FAM135B: variants seen among roughly 807,000 people sequenced by gnomAD.
FAM135B encodes family with sequence similarity 135 member B, also known as protein FAM135B.
In FAM135B, 43 loss-of-function variants were observed where a neutral mutation model predicts 127.7. The ratio of observed to expected loss-of-function variants is 0.34; its 90% CI spans 0.26 to 0.43. The LOEUF (loss-of-function observed/expected upper bound fraction) is 0.43, where lower values mean the gene tolerates loss of function less well. Among genes scored for constraint, FAM135B ranks in the 20% least tolerant of loss-of-function variants. The pLI is 1.00. For missense variants in FAM135B, 1,558 were observed against 1,725.6 expected (o/e 0.90, Z 1.72); for synonymous variants, 670 against 665.1 (o/e 1.01, Z -0.11).
At chr8:138,390,824 A>G (rs140164360) in intron 1 of FAM135B, among the ~76,000 whole-genome samples, 386 of 152,242 alleles carry the variant, frequency 2.5e-3, no homozygotes, top group African/African-American at 7.8e-3. Context: ...GCAGCACTCT[A>G]TGGCAGTGTT....
chr8:138,391,541 A>G (rs1329711143), intron 1 of FAM135B, among the ~76,000 whole-genome samples: 1 of 152,040 alleles, frequency 6.6e-6, no homozygotes, highest in Admixed American at 6.6e-5. Context: ...TCAACCTGCA[A>G]GCACCTACTT....
chr8:138,160,849 T>C (rs974548286), intron 12 of FAM135B, among the ~76,000 whole-genome samples: 1 of 152,090 alleles, frequency 6.6e-6, no homozygotes, highest in Non-Finnish European at 1.5e-5. Flanking sequence ...TCAAAGTATG[T>C]GTAATAATCC....
chr8:138,240,206 A>G (rs1367630651), intron 7 of FAM135B, among the ~76,000 whole-genome samples: 1 of 152,252 alleles, frequency 6.6e-6, no homozygotes, highest in Non-Finnish European at 1.5e-5. Context: ...CAAGCCACAT[A>G]GCATTTATCA....
intron 1 of FAM135B, among the ~76,000 whole-genome samples, chr8:138,405,068 A>G (rs1408576616): frequency 6.6e-6 from 1 of 152,188 alleles, no homozygotes; most frequent in African/African-American, 2.4e-5. Context: ...TTCTTAAATA[A>G]TAAAACTTGA....
intron 1 of FAM135B, among the ~76,000 whole-genome samples, chr8:138,487,778 G>A (rs575372459): frequency 1.3e-5 from 2 of 152,248 alleles, no homozygotes; most frequent in East Asian, 3.9e-4. Context: ...AAGGTGGGAG[G>A]ATCACTTGAG....
chr8:138,220,024 C>T (rs1563785362), intron 7 of FAM135B, among the ~76,000 whole-genome samples: 1 of 151,012 alleles, frequency 6.6e-6, no homozygotes, highest in African/African-American at 2.4e-5. Flanking sequence ...TTTACAAATG[C>T]TTTAACTCAT....
At chr8:138,358,937 T>G (rs1830249544) in intron 2 of FAM135B, among the ~76,000 whole-genome samples, 1 of 152,108 alleles carries the variant, frequency 6.6e-6, no homozygotes, top group Non-Finnish European at 1.5e-5. Flanking sequence ...AGCTTTTCTT[T>G]ATACACCTGC....
chr8:138,172,957 G>T (rs1336540352), intron 11 of FAM135B, among the ~76,000 whole-genome samples: 1 of 152,150 alleles, frequency 6.6e-6, no homozygotes, highest in Non-Finnish European at 1.5e-5. Flanking sequence ...AGCCTGCATA[G>T]GTCGGCCTTG....
At chr8:138,342,323 C>T (rs1343623483) in intron 2 of FAM135B, among the ~76,000 whole-genome samples, 1 of 152,128 alleles carries the variant, frequency 6.6e-6, no homozygotes, top group African/African-American at 2.4e-5. Context: ...TCTGATGACA[C>T]AAAGTAATTA....
chr8:138,480,769 G>A (rs751800621), intron 1 of FAM135B, among the ~76,000 whole-genome samples: 22 of 152,162 alleles, frequency 1.4e-4, no homozygotes, highest in Non-Finnish European at 2.4e-4. Context: ...CTGTGAGTCC[G>A]TCTCTATTTA....
chr8:138,357,511 C>A (rs1830167454), intron 2 of FAM135B, among the ~76,000 whole-genome samples: 2 of 152,062 alleles, frequency 1.3e-5, no homozygotes, highest in African/African-American at 4.8e-5. Flanking sequence ...TGACATTTTT[C>A]TTTGTACTTT....
chr8:138,313,978 C>T (rs542003162), intron 2 of FAM135B, among the ~76,000 whole-genome samples: 166 of 151,994 alleles, frequency 1.1e-3, no homozygotes, highest in Non-Finnish European at 2.1e-3. Flanking sequence ...TTTATTTAGT[C>T]TCACATATTT....
intron 6 of FAM135B, among the ~76,000 whole-genome samples, chr8:138,247,495 T>C (rs144480580): frequency 6.6e-6 from 1 of 152,362 alleles, no homozygotes; most frequent in East Asian, 1.9e-4. Flanking sequence ...AAGAAGGATG[T>C]GTTTACTTCC....
intron 1 of FAM135B, among the ~76,000 whole-genome samples, chr8:138,431,611 T>A (rs956007050): frequency 1.3e-5 from 2 of 152,230 alleles, no homozygotes; most frequent in Non-Finnish European, 2.9e-5. Context: ...GCTTAAAATA[T>A]TTCCTATCTA....
chr8:138,433,296 C>G (rs1835292951), intron 1 of FAM135B, among the ~76,000 whole-genome samples: 1 of 151,938 alleles, frequency 6.6e-6, no homozygotes, highest in Non-Finnish European at 1.5e-5. Flanking sequence ...CCGAGAAGGG[C>G]AGATCACTTG....
chr8:138,394,707 G>C (rs1832766768), intron 1 of FAM135B, among the ~76,000 whole-genome samples: 1 of 151,810 alleles, frequency 6.6e-6, no homozygotes, highest in African/African-American at 2.4e-5. Context: ...CCCCACAACA[G>C]GCCTGTGTGA....
chr8:138,268,249 T>A (rs953341124), intron 3 of FAM135B, among the ~76,000 whole-genome samples: 9 of 152,218 alleles, frequency 5.9e-5, no homozygotes, highest in African/African-American at 1.7e-4. Flanking sequence ...TACAGTATGA[T>A]GATTTTTTAA....
intron 2 of FAM135B, among the ~76,000 whole-genome samples, chr8:138,314,693 C>CAATAAATAAATAAATAAATAAATAAATA (rs1402271667): frequency 0.069 from 8,326 of 120,136 alleles, 425 homozygotes; most frequent in Middle Eastern, 0.12. Context: ...CCCATCCCTA[C>CAATAAATAAATAAATAAATAAATAAATA]AATAAATAAA....
chr8:138,291,916 G>C (rs767457192), intron 3 of FAM135B, among the ~76,000 whole-genome samples: 59 of 152,056 alleles, frequency 3.9e-4, no homozygotes, highest in Non-Finnish European at 7.8e-4. Context: ...GTATGGAAAG[G>C]CTTAGCCAAA....
Sources: allele counts gnomAD v4.1 joint callset (sites outside exome capture counted in the v4.1 genomes callset), GRCh38; gene constraint gnomAD v4.1.1; transcripts MANE v1.5; gene names NCBI Gene and HGNC (gene_info 2026-07-23, HGNC 2026-07-21).